The following GPC5 variants were observed in gnomAD, a reference collection of about 807,000 sequenced individuals.
The protein encoded by GPC5 is glypican-5.
A neutral mutation model predicts 53.9 loss-of-function variants in GPC5; 47 were observed. That is an observed-to-expected ratio of 0.87 (90% CI 0.69 to 1.11). GPC5 has a LOEUF of 1.11. Among genes scored for constraint, GPC5 ranks in the 50% most tolerant of loss-of-function variants. The pLI, the probability that GPC5 is intolerant of heterozygous loss-of-function variation, is 0.00. For missense variants in GPC5, 748 were observed against 713.1 expected (o/e 1.05, Z -0.56); for synonymous variants, 286 against 263.3 (o/e 1.09, Z -0.84).
intron 5 of GPC5, among the ~76,000 whole-genome samples, chr13:91,840,692 C>A (rs1296763729): frequency 6.6e-6 from 1 of 150,552 alleles, no homozygotes; most frequent in African/African-American, 2.4e-5. Context: ...AGGCACTTTA[C>A]TTAATTTTTA....
At chr13:91,629,825 G>A (rs2034110124) in intron 2 of GPC5, among the ~76,000 whole-genome samples, 1 of 152,034 alleles carries the variant, frequency 6.6e-6, no homozygotes, top group Non-Finnish European at 1.5e-5. Context: ...GTACATTCAT[G>A]CAAAAATGAC....
intron 2 of GPC5, among the ~76,000 whole-genome samples, chr13:91,590,115 C>G (rs9523368): frequency 6.6e-6 from 1 of 151,548 alleles, no homozygotes; most frequent in Non-Finnish European, 1.5e-5. Flanking sequence ...TATTTATTTG[C>G]GTTATAGGCA....
chr13:92,274,987 T>C (rs1265070299), intron 7 of GPC5, among the ~76,000 whole-genome samples: 3 of 152,104 alleles, frequency 2.0e-5, no homozygotes, highest in Non-Finnish European at 2.9e-5. Context: ...TTAATGAATA[T>C]ATGATTTATA....
At chr13:92,461,781 G>C (rs1382354455) in intron 7 of GPC5, among the ~76,000 whole-genome samples, 1 of 152,220 alleles carries the variant, frequency 6.6e-6, no homozygotes, top group Non-Finnish European at 1.5e-5. Context: ...CACTGGGTCT[G>C]CTGCCCGGTT....
At chr13:92,004,035 TTGA>T (rs775284155) in intron 6 of GPC5, among the ~76,000 whole-genome samples, 6 of 152,184 alleles carry the variant, frequency 3.9e-5, no homozygotes, top group Non-Finnish European at 7.4e-5. Context: ...AACAAGAAAC[TTGA>T]TAGAAAATTT....
chr13:91,440,505 A>G (rs1466760493), intron 1 of GPC5, among the ~76,000 whole-genome samples: 1 of 152,046 alleles, frequency 6.6e-6, no homozygotes, highest in Non-Finnish European at 1.5e-5. Flanking sequence ...TTCTGAGTTT[A>G]TGTTCTTTTA....
At chr13:91,478,918 C>CT (rs1217359225) in intron 2 of GPC5, among the ~76,000 whole-genome samples, 14 of 93,056 alleles carry the variant, frequency 1.5e-4, no homozygotes, top group Non-Finnish European at 1.8e-4. Context: ...TATATATATT[C>CT]TTTTTTTTTT....
At chr13:91,927,324 C>T (rs552892627) in intron 6 of GPC5, among the ~76,000 whole-genome samples, 11 of 152,124 alleles carry the variant, frequency 7.2e-5, no homozygotes, top group East Asian at 3.9e-4. Flanking sequence ...TCATTTTTTG[C>T]GGTCTTAATA....
chr13:92,420,305 AG>A (rs1331553579), intron 7 of GPC5, among the ~76,000 whole-genome samples: 1 of 152,162 alleles, frequency 6.6e-6, no homozygotes, highest in Non-Finnish European at 1.5e-5. Context: ...TATTCTTCTA[AG>A]AGAATTTCTT....
At chr13:92,224,112 G>C (rs1160715110) in intron 7 of GPC5, among the ~76,000 whole-genome samples, 2 of 152,020 alleles carry the variant, frequency 1.3e-5, no homozygotes, top group African/African-American at 4.8e-5. Context: ...TGGTGACTTA[G>C]AATTATTGTT....
intron 2 of GPC5, among the ~76,000 whole-genome samples, chr13:91,467,335 A>T (rs1882303250): frequency 6.6e-6 from 1 of 152,154 alleles, no homozygotes; most frequent in African/African-American, 2.4e-5. Flanking sequence ...GAGCTAAGTG[A>T]TCCACGATTC....
chr13:91,597,370 T>C (rs149129116), intron 2 of GPC5, among the ~76,000 whole-genome samples: 43 of 152,258 alleles, frequency 2.8e-4, no homozygotes, highest in South Asian at 1.0e-3. Flanking sequence ...CTAACTTACT[T>C]GTAATTTGCA....
intron 7 of GPC5, among the ~76,000 whole-genome samples, chr13:92,758,397 G>A (rs1279986326): frequency 2.0e-5 from 3 of 151,698 alleles, no homozygotes; most frequent in Non-Finnish European, 4.4e-5. Context: ...AGTGGGTGCA[G>A]CGCACCAGCA....
At chr13:91,568,542 A>C (rs141576911) in intron 2 of GPC5, among the ~76,000 whole-genome samples, 78 of 150,870 alleles carry the variant, frequency 5.2e-4, no homozygotes, top group Admixed American at 8.6e-4. Context: ...ATTGCTAGGG[A>C]AAAAGTAGAG....
At position 92,198,226 on chromosome 13, in the gene GPC5, A is replaced by G. The variant is rs929329432; in HGVS notation, c.1561+53237A>G. On this transcript the variant is annotated intron_variant, in intron 7 of 7. Transcript: ENST00000377067. ...TTGTCTATATATTACCTATTTGTAT[A>G]TGATATGTCTCTCCACACTAAAATG... Among the ~76,000 whole-genome samples, 4 of 152,296 alleles carry G rather than the reference A, an allele frequency of 2.6e-5. No individual in the cohort carries two copies. The East Asian group carries it at 7.7e-4, about 29-fold the overall frequency.
intron 1 of GPC5, among the ~76,000 whole-genome samples, chr13:91,444,029 C>T (rs1162619291): frequency 1.3e-5 from 2 of 151,708 alleles, no homozygotes; most frequent in African/African-American, 4.8e-5. Context: ...TGTTTTTTTT[C>T]TTCAGGGGCT....
chr13:92,557,545 C>G (rs1488666165), intron 7 of GPC5, among the ~76,000 whole-genome samples: 7 of 151,904 alleles, frequency 4.6e-5, no homozygotes, highest in African/African-American at 1.7e-4. Context: ...CATTTTAAAA[C>G]TTTTTCATGA....
chr13:92,211,353 T>G (rs1292165586), intron 7 of GPC5, among the ~76,000 whole-genome samples: 2 of 152,248 alleles, frequency 1.3e-5, no homozygotes, highest in Non-Finnish European at 1.5e-5. Context: ...TCCATCCATC[T>G]TGCTCTTCCT....
intron 7 of GPC5, among the ~76,000 whole-genome samples, chr13:92,784,273 C>T (rs1876134629): frequency 6.6e-6 from 1 of 152,064 alleles, no homozygotes; most frequent in Non-Finnish European, 1.5e-5. Flanking sequence ...TGAATCAACT[C>T]TATGATAATT....
Sources: gnomAD v4.1 joint callset for allele counts (sites outside exome capture counted in the v4.1 genomes callset) on GRCh38, gnomAD v4.1.1 for gene constraint, MANE v1.5 for transcripts, NCBI Gene and HGNC (gene_info 2026-07-23, HGNC 2026-07-21) for gene names.